NAV2: variants seen among roughly 807,000 people sequenced by gnomAD.
The protein encoded by NAV2 is helicase, APC down-regulated 1.
NAV2 carries 54 observed loss-of-function variants against 223.2 expected under a neutral mutation model. The ratio of observed to expected loss-of-function variants is 0.24; its 90% CI spans 0.19 to 0.30. The LOEUF (loss-of-function observed/expected upper bound fraction) is 0.30. Among genes scored for constraint, NAV2 ranks in the 10% least tolerant of loss-of-function variants. The pLI, the probability that NAV2 is intolerant of heterozygous loss-of-function variation, is 1.00. For missense variants in NAV2, 2,806 were observed against 3,147.5 expected (o/e 0.89, Z 2.60); for synonymous variants, 1,279 against 1,239.3 (o/e 1.03, Z -0.67).
chr11:19,445,132 G>A (rs1851537331), intron 1 of NAV2, among the ~76,000 whole-genome samples: 1 of 152,158 alleles, frequency 6.6e-6, no homozygotes, highest in Non-Finnish European at 1.5e-5. Flanking sequence ...TTGAAGAGAG[G>A]CATGCAGAAG....
intron 25 of NAV2, 38 bp downstream of exon 25, chr11:20,080,247 G>A: frequency 3.1e-6 from 5 of 1,592,454 alleles, no homozygotes; most frequent in Non-Finnish European, 4.3e-6. Context: ...CTGACGGACA[G>A]AGTCAGTTGC....
chr11:19,484,127 A>AACACACACACAC (rs58138697), intron 1 of NAV2, among the ~76,000 whole-genome samples: 2,283 of 144,850 alleles, frequency 0.016, 31 homozygotes, highest in East Asian at 0.061. Context: ...ACTGATCACA[A>AACACACACACAC]ACACACACAC....
At chr11:19,859,728 C>T (rs1277991941) in intron 3 of NAV2, among the ~76,000 whole-genome samples, 6 of 147,322 alleles carry the variant, frequency 4.1e-5, no homozygotes, top group Non-Finnish European at 6.0e-5. Context: ...CGGGCAGAGG[C>T]GCCCCTCACC....
At chr11:19,888,016 A>G (rs533522428) in intron 5 of NAV2, among the ~76,000 whole-genome samples, 26 of 151,302 alleles carry the variant, frequency 1.7e-4, no homozygotes, top group African/African-American at 6.1e-4. Flanking sequence ...CTCGTAGGTT[A>G]TGTGCTGGGA....
At chr11:19,351,058 A>T in intron 1 of NAV2, 1 of 1,402,470 alleles carries the variant, frequency 7.1e-7, no homozygotes, top group Non-Finnish European at 9.3e-7. Context: ...GGTTGATTGG[A>T]TTATGGTGCT....
At chr11:19,989,500 G>A (rs1040840759) in intron 11 of NAV2, among the ~76,000 whole-genome samples, 1 of 152,116 alleles carries the variant, frequency 6.6e-6, no homozygotes, top group Non-Finnish European at 1.5e-5. Flanking sequence ...ACAGAACTGT[G>A]AGCTAATCAA....
Position 19,842,856 on chromosome 11 carries a change from T to C in NAV2, c.386-15T>C. 2 of 1,613,692 alleles carry C rather than the reference T, an allele frequency of 1.2e-6. No individual in the cohort carries two copies. Among genetic ancestry groups the C allele is most frequent in the Non-Finnish European group, 1.7e-6 (2 of 1,179,632 alleles). Reference sequence around the variant, plus strand: ...TCTGGTGATTTATTTTTCTGACTTGTGTTTCCTTTTTCAGCAAATGAAAAG... The same window carrying C: ...TCTGGTGATTTATTTTTCTGACTTGCGTTTCCTTTTTCAGCAAATGAAAAG... On this transcript the variant is annotated splice_polypyrimidine_tract_variant and intron_variant, in intron 2 of 37. Transcript: ENST00000349880.
chr11:20,066,397 A>G (rs1383338792), intron 20 of NAV2, among the ~76,000 whole-genome samples: 1 of 152,234 alleles, frequency 6.6e-6, no homozygotes, highest in East Asian at 1.9e-4. Flanking sequence ...TTTCTTAGAT[A>G]AGGAGGTTGT....
intron 1 of NAV2, among the ~76,000 whole-genome samples, chr11:19,403,167 C>G (rs1255207770): frequency 1.3e-5 from 2 of 152,110 alleles, no homozygotes; most frequent in African/African-American, 4.8e-5. Context: ...TAGGAAGCAC[C>G]CAACAGATGT....
chr11:19,473,188 T>G (rs2042016503), intron 1 of NAV2, among the ~76,000 whole-genome samples: 1 of 152,150 alleles, frequency 6.6e-6, no homozygotes, highest in African/African-American at 2.4e-5. Flanking sequence ...TCAGGTGTAC[T>G]TGGGTCTTTT....
chr11:19,451,729 C>A (rs1386051098), intron 1 of NAV2, among the ~76,000 whole-genome samples: 1 of 152,154 alleles, frequency 6.6e-6, no homozygotes, highest in Non-Finnish European at 1.5e-5. Flanking sequence ...GTCTGAGTTT[C>A]CTAGCAGGAA....
At chr11:19,468,175 A>G (rs537226048) in intron 1 of NAV2, among the ~76,000 whole-genome samples, 1 of 152,314 alleles carries the variant, frequency 6.6e-6, no homozygotes, top group East Asian at 1.9e-4. Flanking sequence ...TTGCTGCGTG[A>G]TCTTGGGCAA....
intron 1 of NAV2, chr11:19,778,038 T>C: frequency 2.2e-6 from 1 of 452,538 alleles, no homozygotes; most frequent in Admixed American, 2.4e-5. Context: ...TTAGTTCTCT[T>C]TCAAGCTTGC....
At chr11:19,720,586 T>C (rs2050674016) in intron 1 of NAV2, among the ~76,000 whole-genome samples, 1 of 152,208 alleles carries the variant, frequency 6.6e-6, no homozygotes, top group African/African-American at 2.4e-5. Flanking sequence ...ATAATTGTGA[T>C]CCCACTTTCA....
chr11:19,538,598 C>T (rs1318535897), intron 1 of NAV2, among the ~76,000 whole-genome samples: 1 of 152,012 alleles, frequency 6.6e-6, no homozygotes, highest in Non-Finnish European at 1.5e-5. Context: ...AAGCAATCCT[C>T]CCACCTCAGG....
chr11:19,621,259 G>T (rs2046985487), intron 1 of NAV2, among the ~76,000 whole-genome samples: 2 of 152,146 alleles, frequency 1.3e-5, no homozygotes, highest in Admixed American at 1.3e-4. Context: ...TTGGTATCAG[G>T]ATGACACTGG....
chr11:19,886,952 G>A (rs1204121455), intron 5 of NAV2, among the ~76,000 whole-genome samples: 19 of 152,160 alleles, frequency 1.2e-4, no homozygotes, highest in Admixed American at 1.2e-3. Context: ...TTCAAATGAA[G>A]CCTTTGAAGG....
intron 6 of NAV2, among the ~76,000 whole-genome samples, chr11:19,932,257 A>AG (rs1555153010): frequency 3.4e-4 from 34 of 100,048 alleles, no homozygotes; most frequent in South Asian, 1.8e-3. Flanking sequence ...AAAAAAAAAA[A>AG]AAAGAAAGAA....
intron 1 of NAV2, among the ~76,000 whole-genome samples, chr11:19,530,380 A>G (rs914752824): frequency 6.6e-6 from 1 of 151,800 alleles, no homozygotes; most frequent in Admixed American, 6.5e-5. Context: ...AATGCAAGGT[A>G]GCATTTGCTT....
Sources: gnomAD v4.1 joint callset for allele counts (sites outside exome capture counted in the v4.1 genomes callset) on GRCh38, gnomAD v4.1.1 for gene constraint, MANE v1.5 for transcripts, NCBI Gene and HGNC (gene_info 2026-07-23, HGNC 2026-07-21) for gene names.